PRPF18: variants seen among roughly 807,000 people sequenced by gnomAD.
PRPF18 encodes pre-mRNA-splicing factor 18.
Under a neutral mutation model 46.5 loss-of-function variants are expected in PRPF18, and 38 were observed. The observed-to-expected ratio is 0.82, with a 90% confidence interval of 0.63 to 1.07. The LOEUF is 1.07. Ranked by LOEUF, PRPF18 falls within the 50% of genes least tolerant of loss-of-function variation. PRPF18 has a pLI of 0.00. For synonymous variants in PRPF18, 152 were observed against 146.7 expected (o/e 1.04, Z -0.26); for missense variants, 263 against 410.0 (o/e 0.64, Z 3.10).
intron 9 of PRPF18, among the ~76,000 whole-genome samples, chr10:13,625,034 ATAAT>A (rs2080479745): frequency 6.6e-6 from 1 of 152,224 alleles, no homozygotes; most frequent in East Asian, 1.9e-4. Flanking sequence ...ATTGAGAATG[ATAAT>A]TAATATCCTT....
intron 9 of PRPF18, among the ~76,000 whole-genome samples, chr10:13,628,577 C>G (rs1354946668): frequency 6.6e-6 from 1 of 151,430 alleles, no homozygotes; most frequent in East Asian, 1.9e-4. Flanking sequence ...CCGTTTTTTT[C>G]TGAATATTTT....
the PRPF18 span, chr10:13,643,010 T>G: frequency 1.3e-5 from 2 of 152,222 alleles, no homozygotes; most frequent in African/African-American, 4.8e-5. Flanking sequence ...AGATGCCTAT[T>G]AAGTTAGGGG....
At chr10:13,628,182 A>G (rs1255211510) in intron 9 of PRPF18, among the ~76,000 whole-genome samples, 1 of 152,224 alleles carries the variant, frequency 6.6e-6, no homozygotes, top group Non-Finnish European at 1.5e-5. Context: ...CTTCTTGTGA[A>G]TCAGTTGAAA....
chr10:13,646,968 C>G, the PRPF18 span: 2 of 984,208 alleles, frequency 2.0e-6, no homozygotes, highest in South Asian at 4.7e-5. Flanking sequence ...TTTTCCTGCC[C>G]GTACCACTGG....
chr10:13,623,696 G>GTTTGA (rs1355329501), intron 9 of PRPF18, among the ~76,000 whole-genome samples: 1 of 152,180 alleles, frequency 6.6e-6, no homozygotes, highest in Non-Finnish European at 1.5e-5. Context: ...TTGTGGTTTG[G>GTTTGA]TTTGGTTTAG....
intron 1 of PRPF18, 145 bp downstream of exon 1, chr10:13,587,297 C>T (rs2079888449): frequency 1.2e-6 from 1 of 828,886 alleles, no homozygotes; most frequent in Non-Finnish European, 2.0e-6. Context: ...GGTAGGCCCC[C>T]TTAGATCCAA....
chr10:13,594,881 A>G (rs916736711), intron 1 of PRPF18, among the ~76,000 whole-genome samples: 11 of 152,248 alleles, frequency 7.2e-5, no homozygotes, highest in African/African-American at 2.7e-4. Flanking sequence ...CAATTGCACA[A>G]GTGCTTTTCT....
chr10:13,609,936 G>T (rs999883359), intron 4 of PRPF18, 103 bp from the exon 5 acceptor site: 2 of 1,276,068 alleles, frequency 1.6e-6, no homozygotes, highest in East Asian at 2.3e-5. Flanking sequence ...AACTCTTCTT[G>T]TGGGGGAAAA....
At chr10:13,609,497 A>C (rs574708901) in intron 4 of PRPF18, among the ~76,000 whole-genome samples, 9 of 152,368 alleles carry the variant, frequency 5.9e-5, no homozygotes, top group African/African-American at 1.9e-4. Flanking sequence ...ATTTTTAGGA[A>C]GATGAGGCTT....
chr10:13,634,487 A>G (rs2080617874), downstream of PRPF18, among the ~76,000 whole-genome samples: 1 of 152,210 alleles, frequency 6.6e-6, no homozygotes, highest in South Asian at 2.1e-4. Flanking sequence ...TCCTTAACTC[A>G]CAGTTTTACA....
At chr10:13,611,987 C>A (rs1163366806) in intron 6 of PRPF18, among the ~76,000 whole-genome samples, 1 of 150,824 alleles carries the variant, frequency 6.6e-6, no homozygotes, top group Non-Finnish European at 1.5e-5. Context: ...TCAAGTGATT[C>A]TCCTGCCTCA....
At chr10:13,629,710 T>C (rs564269698) in intron 9 of PRPF18, among the ~76,000 whole-genome samples, 31 of 152,370 alleles carry the variant, frequency 2.0e-4, no homozygotes, top group African/African-American at 7.0e-4. Flanking sequence ...AAGATTCATA[T>C]ACATCGGCCT....
intron 1 of PRPF18, among the ~76,000 whole-genome samples, chr10:13,587,901 C>A (rs1383965616): frequency 2.0e-5 from 3 of 152,162 alleles, no homozygotes; most frequent in Non-Finnish European, 4.4e-5. Flanking sequence ...CACTCACGGC[C>A]TTCTTTCCGG....
At chr10:13,619,221 G>A (rs924624272) in intron 9 of PRPF18, among the ~76,000 whole-genome samples, 1 of 152,220 alleles carries the variant, frequency 6.6e-6, no homozygotes, top group Non-Finnish European at 1.5e-5. Flanking sequence ...GTGGCCCAGG[G>A]GTTGGGGACT....
intron 5 of PRPF18, 27 bp from the exon 6 acceptor site, chr10:13,611,588 A>G: frequency 6.3e-7 from 1 of 1,597,040 alleles, no homozygotes; most frequent in Non-Finnish European, 8.6e-7. Flanking sequence ...GTATTAATGA[A>G]CAGAAGCATT....
rs977491924 is a variant in PRPF18, at chr10:13,616,337, A to G, written c.793-61A>G. 23 of 1,486,430 alleles carry G rather than the reference A, an allele frequency of 1.5e-5. No individual in the cohort carries two copies. The African/African-American group carries it at 2.1e-4, about 14-fold the overall frequency. The allele number at this position is 1,486,430 out of a possible 1,614,324, so 92.1% of individuals were successfully genotyped here. ...TAAAGGGCTGTGAAATACTTTCAGTAAGAATTTGAGCCAGTACAACATTTT... is the reference window on the plus strand; with the variant it reads ...TAAAGGGCTGTGAAATACTTTCAGTGAGAATTTGAGCCAGTACAACATTTT... On this transcript the variant is annotated intron_variant, in intron 8 of 9. Coordinates refer to ENST00000378572, the MANE Select transcript of PRPF18 (RefSeq NM_003675.4).
At chr10:13,600,193 A>G in intron 2 of PRPF18, 51 bp from the exon 3 acceptor site, 2 of 1,383,562 alleles carry the variant, frequency 1.4e-6, no homozygotes, top group South Asian at 1.3e-5. Flanking sequence ...AATGATAAAT[A>G]TCAACTATAT....
the PRPF18 span, chr10:13,645,289 C>T: frequency 1.2e-4 from 18 of 152,156 alleles, no homozygotes; most frequent in Non-Finnish European, 1.5e-4. Flanking sequence ...ACTACCCCCA[C>T]CCTGGCTCCT....
chr10:13,595,186 A>G (rs982309189), intron 1 of PRPF18, among the ~76,000 whole-genome samples: 1 of 152,146 alleles, frequency 6.6e-6, no homozygotes, highest in Non-Finnish European at 1.5e-5. Context: ...TCTGAGCACA[A>G]TGAAAACGGG....
Sources: allele counts gnomAD v4.1 joint callset (sites outside exome capture counted in the v4.1 genomes callset), GRCh38; gene constraint gnomAD v4.1.1; transcripts MANE v1.5; gene names NCBI Gene and HGNC (gene_info 2026-07-23, HGNC 2026-07-21).